ECE1: variants seen among roughly 807,000 people sequenced by gnomAD.
The protein encoded by ECE1 is endothelin converting enzyme 1, also known as endothelin-converting enzyme 1.
A neutral mutation model predicts 98.6 loss-of-function variants in ECE1; 35 were observed. The ratio of observed to expected loss-of-function variants is 0.35; its 90% CI spans 0.27 to 0.47. The LOEUF (loss-of-function observed/expected upper bound fraction) is 0.47, where lower values mean the gene tolerates loss of function less well. ECE1 is among the 20% of genes least tolerant of loss of function. ECE1 has a pLI of 1.00. For synonymous variants in ECE1, 394 were observed against 407.1 expected, an observed-to-expected ratio of 0.97 and a Z score of 0.39; for missense variants, 814 against 1,025.3, an observed-to-expected ratio of 0.79 and a Z score of 2.81.
At chr1:21,338,194 C>T (rs1639337622) in intron 1 of ECE1, among the ~76,000 whole-genome samples, 1 of 152,164 alleles carries the variant, frequency 6.6e-6, no homozygotes, top group South Asian at 2.1e-4. Flanking sequence ...GGAGCTTTCT[C>T]AACCCCTGGA....
chr1:21,300,820 A>T (rs1638467485), intron 1 of ECE1, among the ~76,000 whole-genome samples: 1 of 152,162 alleles, frequency 6.6e-6, no homozygotes, highest in African/African-American at 2.4e-5. Flanking sequence ...CATAGGTTCA[A>T]GTCTCCACTC....
chr1:21,272,349 TG>T (rs1416210391), intron 4 of ECE1, among the ~76,000 whole-genome samples: 3 of 152,208 alleles, frequency 2.0e-5, no homozygotes, highest in Non-Finnish European at 2.9e-5. Context: ...TGGAGTGCAG[TG>T]GCGCGATCTC....
chr1:21,238,014 C>A (rs1209852682), intron 11 of ECE1, 120 bp downstream of exon 11: 3 of 875,716 alleles, frequency 3.4e-6, no homozygotes, highest in Non-Finnish European at 5.7e-6. Context: ...GGCTGTGGCC[C>A]TAAGGTCCCC....
chr1:21,273,354 T>C (rs781198763), intron 3 of ECE1, among the ~76,000 whole-genome samples: 2 of 107,102 alleles, frequency 1.9e-5, no homozygotes, highest in African/African-American at 4.8e-5. Flanking sequence ...TGCGTGTGTG[T>C]GTGTGTGTGT....
chr1:21,345,285 C>A lies in ECE1; in HGVS notation c.3+91G>T, dbSNP rs1427367182. 3.9e-6 allele frequency: 5 copies of A among 1,266,648 alleles called. No individual in the cohort carries two copies. The East Asian group carries it at 1.8e-4, about 45-fold the overall frequency. The allele number at this position is 1,266,648 out of a possible 1,614,324, so 78.5% of individuals were successfully genotyped here. A position where few individuals can be genotyped will look rare whatever the true frequency, so the allele number is the denominator to read the frequency against. On this transcript the variant is annotated intron_variant, in intron 1 of 18. Coordinates refer to the ECE1 transcript ENST00000415912. This position sits in a 1 kb window ranked among gnomAD's most constrained non-coding sequence, Gnocchi z 5.1. ...AGCCGGCGCCCAGCCCCCCGCGAGC[C>A]AGGGCGGCCCCGGGTGCCACCCGCG... is the stretch of plus-strand genomic sequence containing the variant.
At chr1:21,311,135 G>A (rs138083424) in intron 1 of ECE1, among the ~76,000 whole-genome samples, 100 of 152,330 alleles carry the variant, frequency 6.6e-4, no homozygotes, top group African/African-American at 2.1e-3. Flanking sequence ...ACACAATAGG[G>A]ACTTGATGAA....
chr1:21,250,825 G>A (rs2098211787), intron 8 of ECE1, among the ~76,000 whole-genome samples: 1 of 152,070 alleles, frequency 6.6e-6, no homozygotes, highest in Non-Finnish European at 1.5e-5. Context: ...GACTAAGAGG[G>A]TGAAACCCCA....
intron 8 of ECE1, among the ~76,000 whole-genome samples, chr1:21,250,376 T>C (rs1051816264): frequency 6.6e-6 from 1 of 152,214 alleles, no homozygotes; most frequent in Non-Finnish European, 1.5e-5. Flanking sequence ...TTTTTTGGAA[T>C]TATATATACT....
At chr1:21,298,324 G>A (rs185651504) in intron 1 of ECE1, 20 of 180,358 alleles carry the variant, frequency 1.1e-4, no homozygotes, top group Non-Finnish European at 1.8e-4. Context: ...CAGCTCTCTC[G>A]GGCTTCGCAG....
At position 21,258,031 on chromosome 1, in the gene ECE1, G is replaced by A. The variant is rs912615040; in HGVS notation, c.763-441C>T. ...GCTAGAATGGGGATTCAAGAAGACAGTGCTGGTCAAGTGCCTGCCAAGCAG... is the reference window on the plus strand; with the variant it reads ...GCTAGAATGGGGATTCAAGAAGACAATGCTGGTCAAGTGCCTGCCAAGCAG... On this transcript the variant is annotated intron_variant, in intron 6 of 18. Transcript: ENST00000374893. This position sits in a 1 kb window ranked among gnomAD's most constrained non-coding sequence, Gnocchi z 4.2. 6.6e-6 allele frequency among the ~76,000 whole-genome samples: 1 copy of A among 152,220 alleles called. No individual in the cohort carries two copies. Among genetic ancestry groups the A allele is most frequent in the Non-Finnish European group, 1.5e-5 (1 of 68,044 alleles).
intron 8 of ECE1, among the ~76,000 whole-genome samples, chr1:21,255,113 G>A (rs1484832067): frequency 2.0e-5 from 3 of 152,184 alleles, no homozygotes; most frequent in Non-Finnish European, 4.4e-5. Context: ...GAGGGTAAAG[G>A]GCAGGGACCT....
At position 21,260,531 on chromosome 1, in the gene ECE1, G is replaced by C; in HGVS notation, c.494-139C>G. On this transcript the variant is annotated intron_variant, in intron 4 of 18. Coordinates refer to ENST00000374893, the MANE Select transcript of ECE1 (RefSeq NM_001397.3). The surrounding 1 kb of genome is among the most constrained non-coding windows in gnomAD (Gnocchi z 4.3). ...ATCTGCCTGTCGGAGTGGCAGTGAG[G>C]AATGCCGTCACCGTGAGTATGTGAG... 8.7e-7 allele frequency: 1 copy of C among 1,149,250 alleles called. No individual in the cohort carries two copies. The highest frequency in any genetic ancestry group is 1.3e-6 in the Non-Finnish European group (1 of 774,382). 71.2% of individuals were successfully genotyped at this position (1,149,250 alleles called of 1,614,324 possible). A position where few individuals can be genotyped will look rare whatever the true frequency, so the allele number is the denominator to read the frequency against.
At position 21,345,085 on chromosome 1, in the gene ECE1, C is replaced by A; in HGVS notation, c.3+291G>T. On this transcript the variant is annotated intron_variant, in intron 1 of 18. Coordinates refer to the ECE1 transcript ENST00000415912. The surrounding 1 kb of genome is among the most constrained non-coding windows in gnomAD (Gnocchi z 5.1). ...AACAACCCAAAACAGACCGCAGCAA[C>A]CGTCCCCAAAGCGAACCGGGGACCC... 4.4e-6 allele frequency: 1 copy of A among 225,538 alleles called. No individual in the cohort carries two copies. The highest frequency in any genetic ancestry group is 8.4e-6 in the Non-Finnish European group (1 of 118,472). The allele number at this position is 225,538 out of a possible 1,614,324, so 14.0% of individuals were successfully genotyped here. A position where few individuals can be genotyped will look rare whatever the true frequency, so the allele number is the denominator to read the frequency against.
intron 2 of ECE1, among the ~76,000 whole-genome samples, chr1:21,288,421 T>C (rs1214976351): frequency 6.6e-6 from 1 of 152,210 alleles, no homozygotes; most frequent in African/African-American, 2.4e-5. Flanking sequence ...ATTAAGCCAC[T>C]AGCCCAAGGT....
At chr1:21,236,546 G>A (rs1363627413) in intron 12 of ECE1, among the ~76,000 whole-genome samples, 200 bp downstream of exon 12, 4 of 152,250 alleles carry the variant, frequency 2.6e-5, no homozygotes, top group African/African-American at 9.6e-5. Flanking sequence ...CTGCTCGGGA[G>A]GCTGAGGTGG....
chr1:21,286,761 C>T (rs989315024), intron 2 of ECE1, among the ~76,000 whole-genome samples: 2 of 151,732 alleles, frequency 1.3e-5, no homozygotes, highest in African/African-American at 4.8e-5. Flanking sequence ...CCCATCTCTA[C>T]TAAAAATACA....
chr1:21,288,499 G>C (rs900841687), intron 2 of ECE1, among the ~76,000 whole-genome samples: 1 of 152,182 alleles, frequency 6.6e-6, no homozygotes, highest in South Asian at 2.1e-4. Flanking sequence ...TGCTTGGCCG[G>C]GGGCCCTCCC....
chr1:21,345,459 C>A lies in ECE1; in HGVS notation c.-81G>T, dbSNP rs1639480904. 3 of 1,212,664 alleles carry A rather than the reference C, an allele frequency of 2.5e-6. No individual in the cohort carries two copies. The highest frequency in any genetic ancestry group is 1.6e-5 in the African/African-American group (1 of 63,878). The allele number at this position is 1,212,664 out of a possible 1,614,324, so 75.1% of individuals were successfully genotyped here. On this transcript the variant is annotated 5_prime_UTR_variant, in exon 1 of 19. Coordinates refer to the ECE1 transcript ENST00000415912. This position sits in a 1 kb window ranked among gnomAD's most constrained non-coding sequence, Gnocchi z 5.1. ...CCAGCTCCGGGTTCCCTGCTCCCAG[C>A]CCAGCTGCTCGGACGGCTCGGCTGC...
rs142532754 is a variant in ECE1 at position 21,290,078 on chromosome 1, C to G, written c.130G>C (p.Gly44Arg). The G allele has an allele frequency of 3.2e-5, 49 of 1,520,262 alleles. No homozygotes were observed. Among genetic ancestry groups the G allele is most frequent in the African/African-American group, 4.3e-5 (3 of 70,196 alleles). 94.2% of individuals were successfully genotyped at this position (1,520,262 alleles called of 1,614,324 possible). A position where few individuals can be genotyped will look rare whatever the true frequency, so the allele number is the denominator to read the frequency against. The change falls in exon 2 of 19, where the codon GGC becomes CGC. Residue 44 changes from glycine to arginine, a missense_variant. By Grantham distance (125) the Gly-to-Arg change is moderately radical. Coordinates refer to ENST00000374893, the MANE Select transcript of ECE1 (RefSeq NM_001397.3). This position sits in a 1 kb window ranked among gnomAD's most constrained non-coding sequence, Gnocchi z 7.3. ...SLSEGDAYPN[G>R]LQVNFHSPRS... ...GAGCGGAGGGCGCCTACCTGCAGGC[C>G]GTTGGGGTATGCGTCGCCCTCGGAG...
Sources: allele counts gnomAD v4.1 joint callset (sites outside exome capture counted in the v4.1 genomes callset), GRCh38; gene constraint gnomAD v4.1.1; non-coding constraint Gnocchi (gnomAD v3.1); transcripts MANE v1.5; gene names NCBI Gene and HGNC (gene_info 2026-07-23, HGNC 2026-07-21).